Variants in TENM3 observed in about 807,000 individuals in gnomAD.
The protein encoded by TENM3 is teneurin-3.
In TENM3, 63 loss-of-function variants were observed where a neutral mutation model predicts 255.1. The ratio of observed to expected loss-of-function variants is 0.25; its 90% CI spans 0.20 to 0.30. The LOEUF (loss-of-function observed/expected upper bound fraction) is 0.30, where lower values mean the gene tolerates loss of function less well. TENM3 is among the 10% of genes least tolerant of loss of function. The probability of loss-of-function intolerance (pLI) is 1.00; values close to 1 mark genes in which losing one functional copy is unlikely to be tolerated. For missense variants in TENM3, 2,929 were observed against 3,461.1 expected (o/e 0.85, Z 3.86); for synonymous variants, 1,306 against 1,322.3 (o/e 0.99, Z 0.27).
At chr4:182,382,405 CAT>C (rs1767635771) in intron 3 of TENM3, among the ~76,000 whole-genome samples, 1 of 151,326 alleles carries the variant, frequency 6.6e-6, no homozygotes, top group Non-Finnish European at 1.5e-5. Flanking sequence ...CATTTTGTTG[CAT>C]ATCTCACATC....
the TENM3 span, among the ~76,000 whole-genome samples, chr4:181,495,095 TATAGAC>T: frequency 1.9e-4 from 29 of 152,182 alleles, no homozygotes; most frequent in African/African-American, 6.8e-4. Context: ...GGAAAATCAA[TATAGAC>T]ATAGATATTT....
the TENM3 span, among the ~76,000 whole-genome samples, chr4:181,890,760 TG>T: frequency 1.4e-4 from 22 of 152,308 alleles, no homozygotes; most frequent in South Asian, 4.1e-3. Flanking sequence ...AAATCATTAG[TG>T]TCTGTAGGGT....
chr4:182,059,905 T>A, the TENM3 span, among the ~76,000 whole-genome samples: 18 of 151,418 alleles, frequency 1.2e-4, no homozygotes, highest in Non-Finnish European at 1.5e-5. Context: ...TGCACTCCAG[T>A]CTGGGTGACA....
chr4:182,679,961 G>C (rs1756009821), intron 8 of TENM3, 85 bp downstream of exon 8: 1 of 1,237,434 alleles, frequency 8.1e-7, no homozygotes, highest in Non-Finnish European at 1.1e-6. Flanking sequence ...GTACCAATTT[G>C]GGGTAATTCC....
chr4:182,548,053 A>C (rs979505296), intron 3 of TENM3, among the ~76,000 whole-genome samples: 9 of 151,962 alleles, frequency 5.9e-5, no homozygotes, highest in African/African-American at 2.2e-4. Flanking sequence ...CCCCATCTCT[A>C]CAAAAATAAA....
intron 1 of TENM3, among the ~76,000 whole-genome samples, chr4:182,225,850 C>T (rs1218443813): frequency 6.6e-6 from 1 of 152,108 alleles, no homozygotes; most frequent in Admixed American, 6.5e-5. Flanking sequence ...CGGGGTCTCA[C>T]GGGGCTCAGA....
chr4:182,740,227 C>T (rs1457836221), intron 18 of TENM3, among the ~76,000 whole-genome samples: 1 of 152,092 alleles, frequency 6.6e-6, no homozygotes, highest in African/African-American at 2.4e-5. Flanking sequence ...CAGTTTGCAC[C>T]CCGAATTAAA....
chr4:182,593,334 T>C (rs1253454145), intron 3 of TENM3, among the ~76,000 whole-genome samples: 1 of 152,130 alleles, frequency 6.6e-6, no homozygotes, highest in Non-Finnish European at 1.5e-5. Context: ...AAATTAAAAC[T>C]GTTTCTGTCT....
the TENM3 span, among the ~76,000 whole-genome samples, chr4:181,888,525 T>TATATATATATATATATATAC: frequency 1.0e-5 from 1 of 99,870 alleles, no homozygotes; most frequent in East Asian, 2.4e-4. Context: ...TGTATATATA[T>TATATATATATATATATATAC]ACATATATGT....
chr4:182,627,792 C>T (rs959608554), intron 4 of TENM3, among the ~76,000 whole-genome samples: 1 of 152,098 alleles, frequency 6.6e-6, no homozygotes, highest in African/African-American at 2.4e-5. Context: ...TGAAGAATTC[C>T]TTTTACAGTG....
chr4:182,343,296 T>C (rs951007827), intron 2 of TENM3, among the ~76,000 whole-genome samples: 1 of 152,226 alleles, frequency 6.6e-6, no homozygotes, highest in East Asian at 1.9e-4. Context: ...GGGAAACTCT[T>C]GTTGGCTCTG....
chr4:182,293,708 C>G (rs566823998), intron 1 of TENM3, among the ~76,000 whole-genome samples: 2 of 152,284 alleles, frequency 1.3e-5, no homozygotes, highest in Non-Finnish European at 2.9e-5. Context: ...CTACTGTTCT[C>G]CAACACCTGG....
chr4:182,005,883 T>G, the TENM3 span, among the ~76,000 whole-genome samples: 1 of 152,094 alleles, frequency 6.6e-6, no homozygotes, highest in South Asian at 2.1e-4. Flanking sequence ...CTATTGGTGG[T>G]GTAAAGGAAT....
chr4:181,675,048 A>T, the TENM3 span, among the ~76,000 whole-genome samples: 1 of 152,286 alleles, frequency 6.6e-6, no homozygotes, highest in Non-Finnish European at 1.5e-5. Context: ...TATAATTTTT[A>T]AATCCTTCTC....
chr4:181,496,275 A>G, the TENM3 span, among the ~76,000 whole-genome samples: 4 of 143,096 alleles, frequency 2.8e-5, no homozygotes, highest in Non-Finnish European at 5.9e-5. Context: ...ATCTTTGACA[A>G]TGTGATATTT....
chr4:181,818,936 T>A, the TENM3 span, among the ~76,000 whole-genome samples: 813 of 152,280 alleles, frequency 5.3e-3, 5 homozygotes, highest in African/African-American at 0.019. Flanking sequence ...CCTACTGGCT[T>A]GTTTCTCTGG....
intron 13 of TENM3, among the ~76,000 whole-genome samples, chr4:182,719,945 G>GCGGCACACGCCTGTAGTCCC (rs1759573513): frequency 2.6e-5 from 4 of 151,976 alleles, no homozygotes; most frequent in Non-Finnish European, 4.4e-5. Context: ...CCTGTAGTCC[G>GCGGCACACGCCTGTAGTCCC]AGCTACTCAG....
the TENM3 span, among the ~76,000 whole-genome samples, chr4:181,569,768 A>G: frequency 2.3e-3 from 349 of 152,290 alleles, 1 homozygote; most frequent in Middle Eastern, 0.017. Flanking sequence ...GTCAGCTTGT[A>G]TCTATGTTAC....
the TENM3 span, among the ~76,000 whole-genome samples, chr4:181,831,970 G>GTT: frequency 2.8e-5 from 1 of 36,022 alleles, no homozygotes; most frequent in Non-Finnish European, 6.3e-5. Flanking sequence ...ATATTACATT[G>GTT]TGTGTGTGTG....
Sources: allele counts gnomAD v4.1 joint callset (sites outside exome capture counted in the v4.1 genomes callset), GRCh38; gene constraint gnomAD v4.1.1; transcripts MANE v1.5; gene names NCBI Gene and HGNC (gene_info 2026-07-23, HGNC 2026-07-21).